The following SDK2 variants were observed in gnomAD, a reference collection of about 807,000 sequenced individuals.
The protein encoded by SDK2 is sidekick cell adhesion molecule 2.
A neutral mutation model predicts 253.9 loss-of-function variants in SDK2; 105 were observed. That is an observed-to-expected ratio of 0.41 (90% CI 0.35 to 0.49). SDK2 has a LOEUF of 0.49. SDK2 is among the 20% of genes least tolerant of loss of function. SDK2 has a pLI of 0.06. For synonymous variants in SDK2, 1,249 were observed against 1,234.9 expected (o/e 1.01, Z -0.24); for missense variants, 2,608 against 3,003.0 (o/e 0.87, Z 3.07).
rs1567831890 is a variant in SDK2 at position 73,541,228 on chromosome 17, CG to C, written c.65-33632del. ...TGGGGCAGCAGTGAAGGGAGGTGCC[CG>C]GGGGGCTGCAGGGGATGGGCTGCAG... On this transcript the variant is annotated intron_variant, in intron 1 of 44. Transcript: ENST00000392650. The surrounding 1 kb of genome is among the most constrained non-coding windows in gnomAD (Gnocchi z 4.3). Among the ~76,000 whole-genome samples, 1 of 152,134 alleles carries C rather than the reference CG, an allele frequency of 6.6e-6. No individual in the cohort carries two copies. The highest frequency in any genetic ancestry group is 2.4e-5 in the African/African-American group (1 of 41,444).
chr17:73,601,795 G>A (rs1173940566), intron 1 of SDK2, among the ~76,000 whole-genome samples: 2 of 151,956 alleles, frequency 1.3e-5, no homozygotes, highest in Non-Finnish European at 2.9e-5. Context: ...CCAGGCTGGA[G>A]TGCAGTGGCG....
In SDK2 at chr17:73,455,280, C is replaced by T. The variant is rs1332858248; in HGVS notation, c.479+626G>A. Among the ~76,000 whole-genome samples the T allele has an allele frequency of 1.3e-5, 2 of 152,156 alleles. No individual in the cohort carries two copies. Among genetic ancestry groups the T allele is most frequent in the African/African-American group, 4.8e-5 (2 of 41,436 alleles). On this transcript the variant is annotated intron_variant, in intron 4 of 44. Transcript: ENST00000392650. The surrounding 1 kb of genome is among the most constrained non-coding windows in gnomAD (Gnocchi z 5.0). ...GACGGGTGTATCTCGGGAGGAACTG[C>T]TTTGTTGCTCGCCTTCTGCGGAGGT...
At position 73,638,029 on chromosome 17, in the gene SDK2, G is replaced by A. The variant is rs1283733473; in HGVS notation, c.64+5996C>T. ...GCATCTGCGGGAGCTGCTGGAGGGCGGGGCCCCCACTCTTGAGGTACCTGG... is the reference window on the plus strand; with the variant it reads ...GCATCTGCGGGAGCTGCTGGAGGGCAGGGCCCCCACTCTTGAGGTACCTGG... On this transcript the variant is annotated intron_variant, in intron 1 of 44. Coordinates refer to ENST00000392650, the MANE Select transcript of SDK2 (RefSeq NM_001144952.2). 2.6e-5 allele frequency among the ~76,000 whole-genome samples: 4 copies of A among 152,230 alleles called. No homozygotes were observed. In the East Asian group the frequency reaches 5.8e-4, roughly 22 times the overall value.
chr17:73,450,563 C>T (rs549977346), intron 4 of SDK2, among the ~76,000 whole-genome samples: 28 of 152,310 alleles, frequency 1.8e-4, no homozygotes, highest in South Asian at 1.5e-3. Context: ...GCTTGGCCCA[C>T]GTTCCAGTTC....
At chr17:73,603,357 G>C (rs1350813774) in intron 1 of SDK2, among the ~76,000 whole-genome samples, 1 of 152,176 alleles carries the variant, frequency 6.6e-6, no homozygotes, top group East Asian at 1.9e-4. Context: ...CTTCTGGGCC[G>C]GACTGAGAGG....
intron 1 of SDK2, among the ~76,000 whole-genome samples, chr17:73,515,703 C>T (rs574932136): frequency 6.6e-6 from 1 of 152,226 alleles, no homozygotes; most frequent in Non-Finnish European, 1.5e-5. Flanking sequence ...GGGGACCCCA[C>T]CCTGCAGCCC....
chr17:73,351,406 G>C (rs117138288), intron 41 of SDK2, among the ~76,000 whole-genome samples: 1 of 152,098 alleles, frequency 6.6e-6, no homozygotes, highest in South Asian at 2.1e-4. Flanking sequence ...CACCGTTCCC[G>C]GCCCCTTTTC....
chr17:73,460,731 T>A (rs2063557705), intron 3 of SDK2, among the ~76,000 whole-genome samples: 1 of 152,194 alleles, frequency 6.6e-6, no homozygotes, highest in Admixed American at 6.6e-5. Context: ...AACATGACAA[T>A]CTCAATTTAA....
rs2062897567 is a variant in SDK2 at position 73,388,796 on chromosome 17, C to CTCCTTCCTTCCCTCCCTCTCCT, written c.4193-760_4193-759insAGGAGAGGGAGGGAAGGAAGGA. On this transcript the variant is annotated intron_variant, in intron 29 of 44. Coordinates refer to ENST00000392650, the MANE Select transcript of SDK2 (RefSeq NM_001144952.2). ...TCTCCTTCCTTCCTTCCTTCCCTCC[C>CTCCTTCCTTCCCTCCCTCTCCT]TCCTTCCTTCCTTCCCTCCCTCTCC... 1.3e-4 allele frequency among the ~76,000 whole-genome samples: 8 copies of CTCCTTCCTTCCCTCCCTCTCCT among 59,608 alleles called. 1 individual carries two copies. The South Asian group carries it at 3.0e-3, about 22-fold the overall frequency. The allele number at this position is 59,608 out of a possible 152,430, so 39.1% of individuals were successfully genotyped here.
chr17:73,482,563 G>A (rs1314604659), intron 2 of SDK2, among the ~76,000 whole-genome samples: 4 of 152,250 alleles, frequency 2.6e-5, no homozygotes, highest in African/African-American at 7.2e-5. Context: ...GCTGGGGGCC[G>A]CTATCCCGGT....
chr17:73,602,417 A>T (rs1160153687), intron 1 of SDK2, among the ~76,000 whole-genome samples: 1 of 152,096 alleles, frequency 6.6e-6, no homozygotes, highest in Non-Finnish European at 1.5e-5. Context: ...ACAGTGCACC[A>T]TCTCTGACTC....
intron 3 of SDK2, among the ~76,000 whole-genome samples, chr17:73,469,045 G>A (rs534353950): frequency 5.3e-5 from 8 of 151,930 alleles, no homozygotes; most frequent in African/African-American, 1.2e-4. Context: ...GGCTGGTCTC[G>A]AACTCCTGAC....
chr17:73,562,914 A>C (rs1051238700), intron 1 of SDK2, among the ~76,000 whole-genome samples: 3 of 152,298 alleles, frequency 2.0e-5, no homozygotes, highest in East Asian at 1.9e-4. Context: ...AGGCACGCAG[A>C]AGCACCAAGG....
intron 3 of SDK2, among the ~76,000 whole-genome samples, chr17:73,469,989 C>CGCGT (rs1555585143): frequency 3.0e-4 from 33 of 110,682 alleles, no homozygotes; most frequent in South Asian, 1.9e-3. Flanking sequence ...ACTGCGCGCG[C>CGCGT]GCGCACACAC....
chr17:73,566,945 G>A (rs575879832), intron 1 of SDK2, among the ~76,000 whole-genome samples: 11 of 151,810 alleles, frequency 7.2e-5, no homozygotes, highest in African/African-American at 2.4e-4. Context: ...GAACAAAAGT[G>A]CCTTTCCAGT....
chr17:73,528,577 T>G lies in SDK2; in HGVS notation c.65-20980A>C, dbSNP rs1046267589. ...CTCCTGCTCTCATCCCAAGGCGACC[T>G]ACTGCCTCACTAAGCCCCAGGTGAA... On this transcript the variant is annotated intron_variant, in intron 1 of 44. Coordinates refer to ENST00000392650, the MANE Select transcript of SDK2 (RefSeq NM_001144952.2). Among the ~76,000 whole-genome samples, 5 of 152,192 alleles carry G rather than the reference T, an allele frequency of 3.3e-5. No individual in the cohort carries two copies. In the East Asian group the frequency reaches 9.6e-4, roughly 29 times the overall value.
chr17:73,347,377 C>T (rs532365263), intron 44 of SDK2, among the ~76,000 whole-genome samples: 51 of 152,298 alleles, frequency 3.3e-4, no homozygotes, highest in South Asian at 1.7e-3. Context: ...ACTTGGATCA[C>T]GTGGGTTTTG....
chr17:73,575,158 C>T (rs2045441239), intron 1 of SDK2, among the ~76,000 whole-genome samples: 1 of 152,178 alleles, frequency 6.6e-6, no homozygotes, highest in Admixed American at 6.5e-5. Flanking sequence ...TTGGGGTGAT[C>T]CTGGGCAGGC....
chr17:73,438,222 G>A (rs2063386173), intron 6 of SDK2, 68 bp from the exon 7 acceptor site: 3 of 1,432,468 alleles, frequency 2.1e-6, no homozygotes, highest in East Asian at 2.5e-5. Context: ...GGCAGGGCAG[G>A]GGGTGGTAAG....
Sources: allele counts gnomAD v4.1 joint callset (sites outside exome capture counted in the v4.1 genomes callset), GRCh38; gene constraint gnomAD v4.1.1; non-coding constraint Gnocchi (gnomAD v3.1); transcripts MANE v1.5; gene names NCBI Gene and HGNC (gene_info 2026-07-23, HGNC 2026-07-21).